The following RPS6KA5 variants were observed in gnomAD, a reference collection of about 807,000 sequenced individuals.
The protein encoded by RPS6KA5 is ribosomal protein S6 kinase alpha-5.
Under a neutral mutation model 85.5 loss-of-function variants are expected in RPS6KA5, and 27 were observed. The observed-to-expected ratio is 0.32, with a 90% CI of 0.23 to 0.44. The LOEUF is 0.44. Ranked by LOEUF, RPS6KA5 falls within the 20% of genes least tolerant of loss-of-function variation. The pLI is 1.00. For missense variants in RPS6KA5, 811 were observed against 980.9 expected, an observed-to-expected ratio of 0.83 and a Z score of 2.31; for synonymous variants, 334 against 348.2, an observed-to-expected ratio of 0.96 and a Z score of 0.46.
At chr14:90,920,960 AG>A (rs1473073307) in intron 6 of RPS6KA5, among the ~76,000 whole-genome samples, 4 of 152,038 alleles carry the variant, frequency 2.6e-5, no homozygotes, top group Non-Finnish European at 5.9e-5. Flanking sequence ...TTGAACTCTT[AG>A]GGTCAAGCAA....
intron 1 of RPS6KA5, among the ~76,000 whole-genome samples, chr14:91,043,756 CT>C (rs766296178): frequency 7.2e-5 from 11 of 152,188 alleles, no homozygotes; most frequent in Admixed American, 1.3e-4. Flanking sequence ...CGCATTTCCC[CT>C]GGTTCACTAT....
intron 1 of RPS6KA5, among the ~76,000 whole-genome samples, chr14:91,046,630 T>C (rs1465072951): frequency 1.3e-5 from 2 of 152,206 alleles, no homozygotes; most frequent in African/African-American, 2.4e-5. Flanking sequence ...AGTGCTTCAG[T>C]TGACTGAATT....
At chr14:90,922,584 AT>A (rs2036453086) in intron 6 of RPS6KA5, among the ~76,000 whole-genome samples, 1 of 152,166 alleles carries the variant, frequency 6.6e-6, no homozygotes, top group South Asian at 2.1e-4. Flanking sequence ...AGTAGCTGAA[AT>A]TACAGGCGCT....
rs185777953 is a variant in RPS6KA5, at chr14:90,991,253, G to C, written c.175+9835C>G. Among the ~76,000 whole-genome samples, 338 of 152,286 alleles carry C rather than the reference G, an allele frequency of 2.2e-3. 3 individuals carry two copies. The highest frequency in any genetic ancestry group is 3.6e-3 in the Non-Finnish European group (244 of 68,028). The stretch of plus-strand genomic sequence containing the variant: ...GATATTAAAATGCACAAATGGAAGA[G>C]AGCCTACAGAAAGGCAGACAGGTTA... On this transcript the variant is annotated intron_variant, in intron 2 of 16. Coordinates refer to ENST00000614987, the MANE Select transcript of RPS6KA5 (RefSeq NM_004755.4).
chr14:90,911,485 GT>G lies in RPS6KA5; in HGVS notation c.807-5187del, dbSNP rs2035814258. On this transcript the variant is annotated intron_variant, in intron 7 of 16. Coordinates refer to ENST00000614987, the MANE Select transcript of RPS6KA5 (RefSeq NM_004755.4). ...TAACGTTCTTGACTTTCACTTCCTG[GT>G]TCCCATGTGGTCCCAGAATTATAAA... 3 of 152,064 alleles carry G rather than the reference GT, an allele frequency of 2.0e-5. No homozygotes were observed. In the South Asian group the frequency reaches 6.2e-4, roughly 32 times the overall value. 9.4% of individuals were successfully genotyped at this position (152,064 alleles called of 1,614,324 possible).
chr14:90,912,625 T>C (rs988845884), intron 7 of RPS6KA5, among the ~76,000 whole-genome samples: 2 of 152,352 alleles, frequency 1.3e-5, no homozygotes, highest in African/African-American at 4.8e-5. Context: ...GATGTCACTC[T>C]ATAGTAGTCT....
At chr14:90,960,865 G>T (rs138246088) in intron 3 of RPS6KA5, among the ~76,000 whole-genome samples, 14 of 152,248 alleles carry the variant, frequency 9.2e-5, no homozygotes, top group African/African-American at 2.6e-4. Context: ...ACTATCAGAA[G>T]ATAGCATGAG....
At chr14:90,970,740 T>C (rs1451775103) in intron 3 of RPS6KA5, among the ~76,000 whole-genome samples, 3 of 152,182 alleles carry the variant, frequency 2.0e-5, no homozygotes, top group African/African-American at 7.2e-5. Context: ...AAAAATATTT[T>C]TATATCTCTT....
At chr14:90,883,598 T>G (rs529761868) in intron 14 of RPS6KA5, among the ~76,000 whole-genome samples, 10 of 152,350 alleles carry the variant, frequency 6.6e-5, no homozygotes, top group African/African-American at 2.2e-4. Flanking sequence ...GTTTTAAGTC[T>G]TTGTCTAGGT....
intron 5 of RPS6KA5, among the ~76,000 whole-genome samples, chr14:90,937,743 G>A (rs892456712): frequency 2.2e-4 from 33 of 152,072 alleles, no homozygotes; most frequent in Admixed American, 1.3e-3. Context: ...GAAAACTCCC[G>A]TTTTTTAAAC....
intron 8 of RPS6KA5, 118 bp from the exon 9 acceptor site, chr14:90,903,087 A>T: frequency 1.2e-6 from 1 of 825,904 alleles, no homozygotes; most frequent in Non-Finnish European, 1.9e-6. Context: ...ATAAGAGAAC[A>T]TATTTCAAAT....
intron 8 of RPS6KA5, among the ~76,000 whole-genome samples, chr14:90,903,977 C>T (rs1314924910): frequency 4.1e-5 from 6 of 146,526 alleles, no homozygotes; most frequent in South Asian, 2.1e-4. Flanking sequence ...GACGGAGTCT[C>T]GCTCTGTCGC....
In RPS6KA5 at chr14:90,856,696, C is replaced by T. The variant is rs994820760; in HGVS notation, c.*15378G>A. 2.6e-5 allele frequency: 4 copies of T among 152,230 alleles called. No individual in the cohort carries two copies. The highest frequency in any genetic ancestry group is 9.7e-5 in the African/African-American group (4 of 41,434). 9.4% of individuals were successfully genotyped at this position (152,230 alleles called of 1,614,324 possible). On this transcript the variant is annotated 3_prime_UTR_variant, in exon 17 of 17. Coordinates refer to ENST00000614987, the MANE Select transcript of RPS6KA5 (RefSeq NM_004755.4). ...ATTTTTTAAAATATAAGATAAAATT[C>T]ATTTTAAGTGTACCATTCATTGTTT...
chr14:91,055,227 C>A (rs2043263881), intron 1 of RPS6KA5, among the ~76,000 whole-genome samples: 1 of 152,148 alleles, frequency 6.6e-6, no homozygotes, highest in South Asian at 2.1e-4. Flanking sequence ...CAAAGGTAAA[C>A]CCAGACTTTG....
intron 3 of RPS6KA5, among the ~76,000 whole-genome samples, chr14:90,971,330 T>G (rs976481252): frequency 6.6e-6 from 1 of 151,966 alleles, no homozygotes; most frequent in Non-Finnish European, 1.5e-5. Flanking sequence ...AAAAAAAAAT[T>G]ATTGGAACCC....
chr14:90,896,236 A>G (rs1435060208), intron 12 of RPS6KA5, among the ~76,000 whole-genome samples: 1 of 152,210 alleles, frequency 6.6e-6, no homozygotes, highest in Non-Finnish European at 1.5e-5. Context: ...AGCTTTAAAA[A>G]AGATGTAAGG....
At chr14:90,985,028 C>A (rs2039999575) in intron 2 of RPS6KA5, among the ~76,000 whole-genome samples, 1 of 151,998 alleles carries the variant, frequency 6.6e-6, no homozygotes, top group Non-Finnish European at 1.5e-5. Flanking sequence ...ACAACCTCCA[C>A]CTTCTGGGTT....
chr14:90,976,766 T>C lies in RPS6KA5; in HGVS notation c.394+1540A>G, dbSNP rs146950305. On this transcript the variant is annotated intron_variant, in intron 3 of 16. Coordinates refer to ENST00000614987, the MANE Select transcript of RPS6KA5 (RefSeq NM_004755.4). The stretch of plus-strand genomic sequence containing the variant: ...ACTCTTAAGAGGAGAGAAGAGAGTG[T>C]GTCCTACATGAATAAAGATTTAGAA... Among the ~76,000 whole-genome samples the C allele has an allele frequency of 3.0e-3, 453 of 152,274 alleles. 1 individual carries two copies. Among genetic ancestry groups the C allele is most frequent in the South Asian group, 9.8e-3 (47 of 4,820 alleles).
chr14:90,972,436 A>G (rs1420369256), intron 3 of RPS6KA5, among the ~76,000 whole-genome samples: 1 of 152,248 alleles, frequency 6.6e-6, no homozygotes, highest in African/African-American at 2.4e-5. Flanking sequence ...AACCAAACAG[A>G]AAAAAATCAA....
Sources: allele counts gnomAD v4.1 joint callset (sites outside exome capture counted in the v4.1 genomes callset), GRCh38; gene constraint gnomAD v4.1.1; transcripts MANE v1.5; gene names NCBI Gene and HGNC (gene_info 2026-07-23, HGNC 2026-07-21).